Variants in ADGRB3 observed in about 807,000 individuals in gnomAD.
ADGRB3 encodes the protein brain-specific angiogenesis inhibitor 3.
In ADGRB3, 37 loss-of-function variants were observed where a neutral mutation model predicts 193.4. The ratio of observed to expected loss-of-function variants is 0.19; its 90% CI spans 0.15 to 0.25. The LOEUF is 0.25. Ranked by LOEUF, ADGRB3 falls within the 10% of genes least tolerant of loss-of-function variation. The pLI is 1.00. For missense variants in ADGRB3, 1,637 were observed against 1,852.9 expected, an observed-to-expected ratio of 0.88 and a Z score of 2.14; for synonymous variants, 690 against 644.2, an observed-to-expected ratio of 1.07 and a Z score of -1.08.
intron 31 of ADGRB3, 147 bp downstream of exon 31, chr6:69,383,082 T>C (rs1769986630): frequency 4.4e-6 from 2 of 454,850 alleles, no homozygotes; most frequent in Non-Finnish European, 7.6e-6. Context: ...CTTTGGAAAG[T>C]CTACCAAGAC....
chr6:69,152,846 A>G (rs1774718828), intron 17 of ADGRB3, among the ~76,000 whole-genome samples: 1 of 152,210 alleles, frequency 6.6e-6, no homozygotes, highest in African/African-American at 2.4e-5. Context: ...CTGTACTGTA[A>G]TAGTATGTGA....
intron 17 of ADGRB3, among the ~76,000 whole-genome samples, chr6:69,197,332 G>C (rs1165490773): frequency 6.6e-5 from 10 of 151,800 alleles, no homozygotes; most frequent in African/African-American, 2.4e-4. Context: ...TTATAATGTT[G>C]CATATACATG....
intron 8 of ADGRB3, among the ~76,000 whole-genome samples, chr6:68,973,634 A>G (rs1389749777): frequency 6.6e-6 from 1 of 152,190 alleles, no homozygotes; most frequent in African/African-American, 2.4e-5. Context: ...TATAAAACAT[A>G]TATTCATTTA....
intron 17 of ADGRB3, among the ~76,000 whole-genome samples, chr6:69,128,568 C>T (rs2150333112): frequency 6.6e-6 from 1 of 151,858 alleles, no homozygotes; most frequent in East Asian, 2.0e-4. Context: ...CACCCCACTC[C>T]AAAAGAAAAG....
intron 20 of ADGRB3, among the ~76,000 whole-genome samples, chr6:69,239,980 G>T (rs936736725): frequency 6.6e-6 from 1 of 151,978 alleles, no homozygotes; most frequent in Non-Finnish European, 1.5e-5. Flanking sequence ...TCGATCACAT[G>T]CCTGCAGGCC....
At chr6:69,269,054 A>T (rs1767113734) in intron 20 of ADGRB3, among the ~76,000 whole-genome samples, 1 of 152,148 alleles carries the variant, frequency 6.6e-6, no homozygotes, top group Non-Finnish European at 1.5e-5. Flanking sequence ...TATACTAAGC[A>T]TTTTATATAA....
intron 21 of ADGRB3, 108 bp downstream of exon 21, chr6:69,325,130 T>C (rs904968794): frequency 7.3e-7 from 1 of 1,364,374 alleles, no homozygotes; most frequent in African/African-American, 1.5e-5. Context: ...TCTAATTTAA[T>C]CTATGGAAGT....
At chr6:68,803,747 G>C (rs1767353704) in intron 3 of ADGRB3, among the ~76,000 whole-genome samples, 1 of 152,084 alleles carries the variant, frequency 6.6e-6, no homozygotes, top group Non-Finnish European at 1.5e-5. Flanking sequence ...AAACAAATCT[G>C]TGGGTTCGTC....
chr6:68,702,839 A>G (rs565302102), intron 3 of ADGRB3, among the ~76,000 whole-genome samples: 1 of 152,338 alleles, frequency 6.6e-6, no homozygotes, highest in African/African-American at 2.4e-5. Context: ...CCTGGCTGAT[A>G]CATTCGACTG....
chr6:69,126,888 C>T (rs953174388), intron 17 of ADGRB3, among the ~76,000 whole-genome samples: 5 of 152,248 alleles, frequency 3.3e-5, no homozygotes, highest in South Asian at 2.1e-4. Context: ...TCATTAGCTC[C>T]TAAATTAAAG....
chr6:69,102,659 G>T (rs1773098169), intron 17 of ADGRB3, among the ~76,000 whole-genome samples: 2 of 152,214 alleles, frequency 1.3e-5, no homozygotes, highest in Non-Finnish European at 2.9e-5. Flanking sequence ...AGAACTGGCG[G>T]AGCCCAAGTG....
intron 3 of ADGRB3, among the ~76,000 whole-genome samples, chr6:68,875,387 G>C (rs1050749095): frequency 6.6e-6 from 1 of 150,934 alleles, no homozygotes; most frequent in Non-Finnish European, 1.5e-5. Context: ...AAGGTTAAAA[G>C]GGAAGCATGA....
chr6:68,656,343 C>T (rs1195835298), intron 3 of ADGRB3, among the ~76,000 whole-genome samples: 2 of 151,486 alleles, frequency 1.3e-5, no homozygotes, highest in African/African-American at 2.4e-5. Flanking sequence ...TTTGACATTA[C>T]TGTGTGAGCA....
At chr6:68,754,947 C>T (rs1766271775) in intron 3 of ADGRB3, among the ~76,000 whole-genome samples, 1 of 152,012 alleles carries the variant, frequency 6.6e-6, no homozygotes, top group African/African-American at 2.4e-5. Context: ...ACTAGACAAG[C>T]CAAGTATAAC....
At chr6:69,202,390 T>A (rs1561951048) in intron 17 of ADGRB3, among the ~76,000 whole-genome samples, 1 of 152,150 alleles carries the variant, frequency 6.6e-6, no homozygotes, top group Non-Finnish European at 1.5e-5. Flanking sequence ...CATTAACACT[T>A]AACCAGTTGC....
At chr6:68,665,144 A>C (rs1768770696) in intron 3 of ADGRB3, among the ~76,000 whole-genome samples, 1 of 150,500 alleles carries the variant, frequency 6.6e-6, no homozygotes, top group African/African-American at 2.4e-5. Flanking sequence ...CTTTATCATC[A>C]CTTCTCATTT....
chr6:69,027,929 G>A (rs1344870724), intron 13 of ADGRB3, among the ~76,000 whole-genome samples: 2 of 152,154 alleles, frequency 1.3e-5, no homozygotes, highest in Non-Finnish European at 1.5e-5. Context: ...CTATTCGAAT[G>A]CCTGTAAAGT....
intron 17 of ADGRB3, among the ~76,000 whole-genome samples, chr6:69,177,854 A>G (rs1034428817): frequency 4.6e-5 from 7 of 152,166 alleles, no homozygotes; most frequent in Admixed American, 4.6e-4. Flanking sequence ...CCTTGTGGCC[A>G]AGCATGTGGC....
At chr6:69,078,148 T>G (rs1347910841) in intron 17 of ADGRB3, among the ~76,000 whole-genome samples, 1 of 152,034 alleles carries the variant, frequency 6.6e-6, no homozygotes, top group East Asian at 1.9e-4. Flanking sequence ...TCTTAAATAT[T>G]TTCAAGATTG....
Sources: allele counts gnomAD v4.1 joint callset (sites outside exome capture counted in the v4.1 genomes callset), GRCh38; gene constraint gnomAD v4.1.1; transcripts MANE v1.5; gene names NCBI Gene and HGNC (gene_info 2026-07-23, HGNC 2026-07-21).